The following CRB1 variants were observed in gnomAD, a reference collection of about 807,000 sequenced individuals.
CRB1 encodes crumbs cell polarity complex component 1, also known as protein crumbs homolog 1.
CRB1 carries 83 observed loss-of-function variants against 120.0 expected under a neutral mutation model. The ratio of observed to expected loss-of-function variants is 0.69; its 90% CI spans 0.58 to 0.83. The LOEUF (loss-of-function observed/expected upper bound fraction) is 0.83, where lower values mean the gene tolerates loss of function less well. Ranked by LOEUF, CRB1 falls within the 40% of genes least tolerant of loss-of-function variation. CRB1 has a pLI of 0.00. For missense variants in CRB1, 1,699 were observed against 1,687.6 expected, an observed-to-expected ratio of 1.01 and a Z score of -0.12; for synonymous variants, 625 against 612.5, an observed-to-expected ratio of 1.02 and a Z score of -0.30.
intron 11 of CRB1, among the ~76,000 whole-genome samples, chr1:197,475,340 C>T (rs902451254): frequency 1.3e-5 from 2 of 152,126 alleles, no homozygotes; most frequent in African/African-American, 4.8e-5. Flanking sequence ...CCCAATCCAC[C>T]TGCTCATCTA....
the CRB1 span, among the ~76,000 whole-genome samples, chr1:197,217,803 G>A: frequency 6.6e-6 from 1 of 152,140 alleles, no homozygotes; most frequent in African/African-American, 2.4e-5. Context: ...TTAAAATGGT[G>A]AACTTTATGA....
chr1:197,294,737 T>G (rs1459836645), intron 1 of CRB1, among the ~76,000 whole-genome samples: 1 of 152,134 alleles, frequency 6.6e-6, no homozygotes, highest in Non-Finnish European at 1.5e-5. Context: ...TAAAAAAGGT[T>G]GAATTCATGT....
Position 197,421,941 on chromosome 1 carries a change from C to T in CRB1, c.2113C>T (p.Pro705Ser). ...QCDCHRPYEG[P>S]NCLREYVAGR... ...TGACTGCCACAGGCCCTATGAAGGC[C>T]CCAACTGTCTGAGAGGTGAGAGAAA... Residue 705 changes from proline to serine, a missense_variant, in exon 6 of 12, where the codon CCC becomes TCC. Coordinates refer to ENST00000367400, the MANE Select transcript of CRB1 (RefSeq NM_201253.3). 1.2e-6 allele frequency: 2 copies of T among 1,613,918 alleles called. No individual in the cohort carries two copies. Among genetic ancestry groups the T allele is most frequent in the South Asian group, 1.1e-5 (1 of 91,074 alleles).
intron 1 of CRB1, among the ~76,000 whole-genome samples, chr1:197,324,790 T>C (rs886381338): frequency 2.0e-5 from 3 of 152,216 alleles, no homozygotes; most frequent in Non-Finnish European, 4.4e-5. Context: ...AAATGTTTTT[T>C]CTTAAAGTCA....
At chr1:197,316,410 C>T (rs1405174619) in intron 1 of CRB1, among the ~76,000 whole-genome samples, 2 of 151,656 alleles carry the variant, frequency 1.3e-5, no homozygotes, top group African/African-American at 2.4e-5. Context: ...GGTCTCATCT[C>T]CTGACCTCGT....
chr1:197,299,644 A>G (rs576961274), intron 1 of CRB1, among the ~76,000 whole-genome samples: 2 of 152,308 alleles, frequency 1.3e-5, no homozygotes, highest in South Asian at 2.1e-4. Flanking sequence ...AAACTGTAGT[A>G]TATTTATATA....
chr1:197,474,214 TC>T (rs1252051395), intron 11 of CRB1, among the ~76,000 whole-genome samples: 2 of 152,212 alleles, frequency 1.3e-5, no homozygotes, highest in Non-Finnish European at 2.9e-5. Flanking sequence ...TTTTATTTGG[TC>T]CCATCCTTTG....
the CRB1 span, among the ~76,000 whole-genome samples, chr1:197,208,765 C>T: frequency 1.3e-5 from 2 of 152,194 alleles, no homozygotes; most frequent in East Asian, 1.9e-4. Context: ...GCCCTAGGCT[C>T]AGGCATTAGA....
intron 1 of CRB1, among the ~76,000 whole-genome samples, chr1:197,275,617 G>A (rs1655160075): frequency 6.6e-6 from 1 of 151,868 alleles, no homozygotes; most frequent in African/African-American, 2.4e-5. Flanking sequence ...TTCCTCCTAT[G>A]TAAATTTGCC....
chr1:197,320,506 G>A (rs1658127282), intron 1 of CRB1, among the ~76,000 whole-genome samples: 1 of 152,130 alleles, frequency 6.6e-6, no homozygotes, highest in Admixed American at 6.5e-5. Flanking sequence ...TCATACATAA[G>A]CATCCTTCAG....
rs551798394 is a variant in CRB1, at chr1:197,438,620, A to C, written c.3823A>C (p.Thr1275Pro). Reference protein sequence around the residue: ...NLTCYNGGNCTEFQTELKCMC... With the variant: ...NLTCYNGGNCPEFQTELKCMC... The stretch of plus-strand genomic sequence containing the variant: ...CACTTGCTACAATGGAGGCAACTGC[A>C]CAGAGTTCCAGACTGAATTAAAATG... Residue 1275 changes from threonine (T) to proline (P), a missense_variant, in exon 10 of 12, where the codon ACA becomes CCA. Thr to Pro is a conservative substitution (Grantham distance 38). Transcript: ENST00000367400. 3.1e-6 allele frequency: 5 copies of C among 1,613,036 alleles called. No homozygotes were observed. The Admixed American group carries it at 8.3e-5, about 27-fold the overall frequency.
chr1:197,450,957 C>CAAAAA (rs11288525), intron 11 of CRB1, among the ~76,000 whole-genome samples: 55 of 56,550 alleles, frequency 9.7e-4, no homozygotes, highest in African/African-American at 1.1e-3. Flanking sequence ...GACTCCGTCC[C>CAAAAA]AAAAAAAAAA....
rs1483763495 is a variant in CRB1 at position 197,362,344 on chromosome 1, T to A, written c.1171+5331T>A. Among the ~76,000 whole-genome samples, 7 of 152,168 alleles carry A rather than the reference T, an allele frequency of 4.6e-5. No individual in the cohort carries two copies. The East Asian group carries it at 1.3e-3, about 29-fold the overall frequency. On this transcript the variant is annotated intron_variant, in intron 5 of 11. Coordinates refer to ENST00000367400, the MANE Select transcript of CRB1 (RefSeq NM_201253.3). ...AAACAACATGTGTTCTGCTATTGTT[T>A]AGAGGCGATTTCTATATATGTCAAT...
At chr1:197,304,477 C>G in intron 1 of CRB1, 2 of 727,964 alleles carry the variant, frequency 2.7e-6, no homozygotes, top group Non-Finnish European at 3.4e-6. Context: ...TATTCTTCAT[C>G]TAAAGTTAGA....
At chr1:197,336,666 A>G (rs1317793618) in intron 2 of CRB1, among the ~76,000 whole-genome samples, 2 of 152,212 alleles carry the variant, frequency 1.3e-5, no homozygotes, top group Non-Finnish European at 2.9e-5. Context: ...AAATACTTAT[A>G]TTTGCAATGC....
Position 197,472,787 on chromosome 1 carries a change from G to A in CRB1, c.4006-4877G>A, listed in dbSNP as rs539606723. 7.2e-5 allele frequency among the ~76,000 whole-genome samples: 11 copies of A among 152,230 alleles called. No individual in the cohort carries two copies. In the East Asian group the frequency reaches 1.4e-3, roughly 19 times the overall value. The stretch of plus-strand genomic sequence containing the variant: ...CACAGTGAGAGTGATAACCCGAAGC[G>A]CCTCCTTGTTCACAAGGATGGCCCT... On this transcript the variant is annotated intron_variant, in intron 11 of 11. Coordinates refer to ENST00000367400, the MANE Select transcript of CRB1 (RefSeq NM_201253.3).
intron 11 of CRB1, among the ~76,000 whole-genome samples, chr1:197,460,454 G>A (rs1330422700): frequency 6.6e-6 from 1 of 152,108 alleles, no homozygotes; most frequent in Admixed American, 6.6e-5. Flanking sequence ...TAACAGTCTA[G>A]TGCACAAGAA....
At chr1:197,402,526 T>C (rs1663118560) in intron 5 of CRB1, among the ~76,000 whole-genome samples, 1 of 152,218 alleles carries the variant, frequency 6.6e-6, no homozygotes, top group Non-Finnish European at 1.5e-5. Context: ...AGTCATCCAT[T>C]TTAATATGCT....
chr1:197,428,730 T>A (rs1664722144), intron 7 of CRB1, among the ~76,000 whole-genome samples: 1 of 152,216 alleles, frequency 6.6e-6, no homozygotes, highest in African/African-American at 2.4e-5. Flanking sequence ...TTAATCCACT[T>A]AGTTCTATTG....
Sources: gnomAD v4.1 joint callset for allele counts (sites outside exome capture counted in the v4.1 genomes callset) on GRCh38, gnomAD v4.1.1 for gene constraint, MANE v1.5 for transcripts, NCBI Gene and HGNC (gene_info 2026-07-23, HGNC 2026-07-21) for gene names.